Variants in GRID2 observed in about 807,000 individuals in gnomAD.
GRID2 encodes glutamate receptor ionotropic, delta-2.
GRID2 carries 33 observed loss-of-function variants against 114.8 expected under a neutral mutation model. The ratio of observed to expected loss-of-function variants is 0.29; its 90% confidence interval spans 0.22 to 0.38. The LOEUF (loss-of-function observed/expected upper bound fraction) is 0.38. Ranked by LOEUF, GRID2 falls within the 10% of genes least tolerant of loss-of-function variation. The pLI is 1.00. For missense variants in GRID2, 1,184 were observed against 1,257.7 expected, an observed-to-expected ratio of 0.94 and a Z score of 0.89; for synonymous variants, 505 against 449.9, an observed-to-expected ratio of 1.12 and a Z score of -1.55.
At chr4:93,331,571 A>C (rs11943480) in intron 8 of GRID2, among the ~76,000 whole-genome samples, 111,319 of 151,892 alleles carry the variant, frequency 0.73, 41,694 homozygotes, top group African/African-American at 0.9. Context: ...ATAATCTCCA[A>C]AAGTATATGA....
chr4:92,961,849 G>A (rs921219817), intron 2 of GRID2, among the ~76,000 whole-genome samples: 4 of 151,426 alleles, frequency 2.6e-5, no homozygotes, highest in Non-Finnish European at 5.9e-5. Flanking sequence ...ATTCTGTGTT[G>A]TTGATGGTTT....
At position 93,598,187 on chromosome 4, in the gene GRID2, C is replaced by T. The variant is rs143903383; in HGVS notation, c.2194-28082C>T. ...AATGTCAGATTTCACATTTCACACC[C>T]GGGCGGTCTGACTCTAGACTCTGTG... is the stretch of plus-strand genomic sequence containing the variant. On this transcript the variant is annotated intron_variant, in intron 13 of 15. Coordinates refer to ENST00000282020, the MANE Select transcript of GRID2 (RefSeq NM_001510.4). 3.0e-4 allele frequency among the ~76,000 whole-genome samples: 46 copies of T among 152,248 alleles called. No homozygotes were observed. The East Asian group carries it at 7.7e-3, about 26-fold the overall frequency.
At position 93,648,739 on chromosome 4, in the gene GRID2, C is replaced by A. The variant is rs1303031855; in HGVS notation, c.2360+22304C>A. Among the ~76,000 whole-genome samples, 4 of 151,942 alleles carry A rather than the reference C, an allele frequency of 2.6e-5. No homozygotes were observed. In the South Asian group the frequency reaches 6.2e-4, roughly 24 times the overall value. Reference sequence around the variant, plus strand: ...TTCCAGGTGATGCTGTGCTGCTGATCTAGATCTAGTCCACATTTTGAGAAC... The same window carrying A: ...TTCCAGGTGATGCTGTGCTGCTGATATAGATCTAGTCCACATTTTGAGAAC... On this transcript the variant is annotated intron_variant, in intron 14 of 15. Coordinates refer to ENST00000282020, the MANE Select transcript of GRID2 (RefSeq NM_001510.4).
In GRID2 at chr4:93,223,284, CTT is replaced by C. The variant is rs1579337912; in HGVS notation, c.964-1329_964-1328del. ...CTAATACTTCCTTATGAAGGACAAA[CTT>C]GTATTGCACGTAATGCATTGAGTGT... On this transcript the variant is annotated intron_variant, in intron 6 of 15. Coordinates refer to ENST00000282020, the MANE Select transcript of GRID2 (RefSeq NM_001510.4). Among the ~76,000 whole-genome samples the C allele has an allele frequency of 2.0e-5, 3 of 152,130 alleles. No homozygotes were observed. In the East Asian group the frequency reaches 5.8e-4, roughly 29 times the overall value.
intron 2 of GRID2, among the ~76,000 whole-genome samples, chr4:92,766,819 A>G (rs1303849643): frequency 6.6e-6 from 1 of 152,210 alleles, no homozygotes; most frequent in Non-Finnish European, 1.5e-5. Context: ...TACATTTATC[A>G]GTGGGGTTAA....
chr4:92,786,447 T>A (rs749746117), intron 2 of GRID2, among the ~76,000 whole-genome samples: 50 of 151,868 alleles, frequency 3.3e-4, no homozygotes, highest in Non-Finnish European at 6.2e-4. Context: ...AAACTCTATA[T>A]TTTAACTCTA....
intron 4 of GRID2, among the ~76,000 whole-genome samples, chr4:93,117,243 G>T (rs1329907872): frequency 1.3e-5 from 2 of 151,946 alleles, no homozygotes; most frequent in African/African-American, 4.8e-5. Context: ...TATTTATGTT[G>T]CCTTGCTCTT....
intron 4 of GRID2, among the ~76,000 whole-genome samples, chr4:93,186,688 A>G (rs967655029): frequency 3.9e-5 from 6 of 152,138 alleles, no homozygotes; most frequent in Middle Eastern, 3.4e-3. Context: ...CTAGATACTG[A>G]TATCTATTGA....
intron 2 of GRID2, among the ~76,000 whole-genome samples, chr4:92,937,115 C>T (rs1011143907): frequency 2.1e-5 from 3 of 146,288 alleles, no homozygotes; most frequent in African/African-American, 7.3e-5. Flanking sequence ...GCAAATATCT[C>T]CCATTATGTG....
At chr4:93,690,564 G>T (rs946850614) in intron 14 of GRID2, among the ~76,000 whole-genome samples, 1 of 151,874 alleles carries the variant, frequency 6.6e-6, no homozygotes, top group Admixed American at 6.6e-5. Flanking sequence ...CTAATGAGTT[G>T]TCATGAGTAT....
intron 1 of GRID2, among the ~76,000 whole-genome samples, chr4:92,417,818 G>T (rs1221411326): frequency 1.3e-5 from 2 of 152,130 alleles, no homozygotes; most frequent in Admixed American, 1.3e-4. Flanking sequence ...ATTGAATCAT[G>T]AGGGCAAGCC....
intron 11 of GRID2, among the ~76,000 whole-genome samples, chr4:93,463,191 C>G (rs75339992): frequency 0.044 from 6,650 of 152,028 alleles, 190 homozygotes; most frequent in Middle Eastern, 0.17. Flanking sequence ...CAATTCTTCA[C>G]AACTAATAAA....
intron 2 of GRID2, among the ~76,000 whole-genome samples, chr4:92,761,412 A>G (rs991401484): frequency 1.2e-4 from 19 of 152,122 alleles, no homozygotes; most frequent in Non-Finnish European, 2.6e-4. Flanking sequence ...TTACAGCTCT[A>G]TTTAGTCAGA....
chr4:92,660,754 G>T (rs1322847353), intron 2 of GRID2, among the ~76,000 whole-genome samples: 1 of 150,668 alleles, frequency 6.6e-6, no homozygotes, highest in African/African-American at 2.4e-5. Flanking sequence ...AAACCTCTTT[G>T]CCTTCCTATG....
At chr4:93,267,078 G>T (rs2149560908) in intron 8 of GRID2, among the ~76,000 whole-genome samples, 1 of 151,574 alleles carries the variant, frequency 6.6e-6, no homozygotes, top group South Asian at 2.1e-4. Context: ...TATGATAATG[G>T]CTTCCAGTTT....
intron 7 of GRID2, among the ~76,000 whole-genome samples, chr4:93,236,209 T>G (rs1424772024): frequency 1.3e-5 from 2 of 152,076 alleles, no homozygotes; most frequent in Admixed American, 1.3e-4. Context: ...CTTTAAAATA[T>G]AATTGGATGT....
intron 1 of GRID2, among the ~76,000 whole-genome samples, chr4:92,554,960 T>A (rs1726779181): frequency 6.6e-6 from 1 of 152,186 alleles, no homozygotes; most frequent in African/African-American, 2.4e-5. Flanking sequence ...AAGGCAACTA[T>A]AATAAGATAT....
At chr4:93,021,189 A>C (rs1179878140) in intron 2 of GRID2, among the ~76,000 whole-genome samples, 2 of 152,010 alleles carry the variant, frequency 1.3e-5, no homozygotes, top group East Asian at 3.9e-4. Context: ...TGAAAAAATA[A>C]GTTTTGTATT....
intron 13 of GRID2, among the ~76,000 whole-genome samples, chr4:93,617,921 G>A (rs971497684): frequency 2.0e-5 from 3 of 152,168 alleles, no homozygotes; most frequent in Non-Finnish European, 4.4e-5. Context: ...ATATCCATCT[G>A]CTACAAAAAC....
Sources: allele counts gnomAD v4.1 joint callset (sites outside exome capture counted in the v4.1 genomes callset), GRCh38; gene constraint gnomAD v4.1.1; transcripts MANE v1.5; gene names NCBI Gene and HGNC (gene_info 2026-07-23, HGNC 2026-07-21).